Variants in NSD3 observed in about 807,000 individuals in gnomAD.
NSD3 encodes histone-lysine N-methyltransferase NSD3.
A neutral mutation model predicts 160.8 loss-of-function variants in NSD3; 24 were observed. That is an observed-to-expected ratio of 0.15 (90% confidence interval 0.11 to 0.21). The LOEUF is 0.21. NSD3 is among the 10% of genes least tolerant of loss of function. The pLI is 1.00. For synonymous variants in NSD3, 520 were observed against 600.0 expected (o/e 0.87, Z 1.95); for missense variants, 1,157 against 1,735.9 (o/e 0.67, Z 5.93).
chr8:38,318,788 A>G lies in NSD3; in HGVS notation c.1855+107T>C. 1 of 1,062,824 alleles carries G rather than the reference A, an allele frequency of 9.4e-7. No individual in the cohort carries two copies. The highest frequency in any genetic ancestry group is 1.4e-6 in the Non-Finnish European group (1 of 696,828). 65.8% of individuals were successfully genotyped at this position (1,062,824 alleles called of 1,614,324 possible). A position where few individuals can be genotyped will look rare whatever the true frequency, so the allele number is the denominator to read the frequency against. ...GGAATACTGCAATTTCACACTGAAGAGCAACAACGATTTACAGAGACAGAC... is the reference window on the plus strand; with the variant it reads ...GGAATACTGCAATTTCACACTGAAGGGCAACAACGATTTACAGAGACAGAC... On this transcript the variant is annotated intron_variant, in intron 9 of 23. Transcript: ENST00000317025. The surrounding 1 kb of genome is among the most constrained non-coding windows in gnomAD (Gnocchi z 5.3).
chr8:38,376,792 C>T (rs1433665642), intron 1 of NSD3, among the ~76,000 whole-genome samples: 2 of 152,112 alleles, frequency 1.3e-5, no homozygotes, highest in East Asian at 1.9e-4. Context: ...AACCAAGTAA[C>T]GGGTTTGTCA....
chr8:38,323,044 T>G (rs1809827475), intron 7 of NSD3, among the ~76,000 whole-genome samples: 1 of 152,116 alleles, frequency 6.6e-6, no homozygotes, highest in Admixed American at 6.5e-5. Flanking sequence ...TAAATTAAGT[T>G]TTTTTTCTTT....
At chr8:38,296,550 C>T (rs1048395203) in intron 15 of NSD3, among the ~76,000 whole-genome samples, 2 of 152,138 alleles carry the variant, frequency 1.3e-5, no homozygotes, top group African/African-American at 4.8e-5. Flanking sequence ...GATTTACAGG[C>T]TATACAGCAG....
At chr8:38,332,607 G>A (rs1363895548) in intron 4 of NSD3, among the ~76,000 whole-genome samples, 9 of 152,150 alleles carry the variant, frequency 5.9e-5, no homozygotes. Context: ...AAGCCAGTCT[G>A]GGACAAAAGT....
chr8:38,287,489 G>C (rs1808890453), intron 19 of NSD3, among the ~76,000 whole-genome samples: 1 of 152,084 alleles, frequency 6.6e-6, no homozygotes, highest in Non-Finnish European at 1.5e-5. Flanking sequence ...GTTATAAAAG[G>C]CTACCTATCA....
chr8:38,298,530 C>CTG (rs143129228), intron 15 of NSD3, among the ~76,000 whole-genome samples: 7,933 of 145,360 alleles, frequency 0.055, 215 homozygotes, highest in Non-Finnish European at 0.061. Context: ...AATACACCTA[C>CTG]TGTGTGTGTG....
chr8:38,275,508 C>CT lies in NSD3; in HGVS notation c.*132dup, dbSNP rs1808577148. On this transcript the variant is annotated 3_prime_UTR_variant, in exon 24 of 24. Transcript: ENST00000317025. Reference sequence around the variant, plus strand: ...CACCAACTGCTTCTGCCTGCATGAACTGGTTTCCCATTTTTGCTTTAATAA... The same window carrying CT: ...CACCAACTGCTTCTGCCTGCATGAACTTGGTTTCCCATTTTTGCTTTAATAA... 1 of 812,406 alleles carries CT rather than the reference C, an allele frequency of 1.2e-6. No individual in the cohort carries two copies. The highest frequency in any genetic ancestry group is 1.9e-6 in the Non-Finnish European group (1 of 527,124). 50.3% of individuals were successfully genotyped at this position (812,406 alleles called of 1,614,324 possible).
At chr8:38,279,298 C>T (rs888031805) in intron 21 of NSD3, among the ~76,000 whole-genome samples, 60 of 152,242 alleles carry the variant, frequency 3.9e-4, no homozygotes, top group East Asian at 1.9e-3. Flanking sequence ...CTGTCAGACC[C>T]GCTCTTACAT....
chr8:38,318,035 G>A lies in NSD3; in HGVS notation c.1855+860C>T, dbSNP rs778481004. The A allele has an allele frequency of 1.9e-6, 3 of 1,613,906 alleles. No individual in the cohort carries two copies. Among genetic ancestry groups the A allele is most frequent in the Admixed American group, 1.7e-5 (1 of 59,998 alleles). On this transcript the variant is annotated intron_variant, in intron 9 of 23. Transcript: ENST00000317025. The surrounding 1 kb of genome is among the most constrained non-coding windows in gnomAD (Gnocchi z 5.3). ...AGAGCCCTGCACTCCCCGGTCCGCC[G>A]ACCCTGTGGAATGGTGGAAACACAA...
chr8:38,352,089 T>C (rs746246991), intron 1 of NSD3, among the ~76,000 whole-genome samples: 2 of 151,732 alleles, frequency 1.3e-5, no homozygotes, highest in Admixed American at 1.3e-4. Flanking sequence ...TCATTAACAA[T>C]GCCTATTATT....
rs1809709948 is a variant in NSD3, at chr8:38,317,984, G to C, written c.1855+911C>G. 1 of 1,614,070 alleles carries C rather than the reference G, an allele frequency of 6.2e-7. No homozygotes were observed. The highest frequency in any genetic ancestry group is 1.3e-5 in the African/African-American group (1 of 74,928). On this transcript the variant is annotated intron_variant, in intron 9 of 23. Transcript: ENST00000317025. The surrounding 1 kb of genome is among the most constrained non-coding windows in gnomAD (Gnocchi z 5.3). ...GTCCACAGTTTCCTCAATCGCTGCGGAGACGGAGCTGTCACTGAATCTGAC... is the reference window on the plus strand; with the variant it reads ...GTCCACAGTTTCCTCAATCGCTGCGCAGACGGAGCTGTCACTGAATCTGAC...
chr8:38,375,006 A>C (rs1418375201), intron 1 of NSD3, among the ~76,000 whole-genome samples: 2 of 152,108 alleles, frequency 1.3e-5, no homozygotes, highest in Non-Finnish European at 2.9e-5. Flanking sequence ...TCTGTCTCGA[A>C]AAAAAAATTT....
At chr8:38,356,627 A>T (rs982901999) in intron 1 of NSD3, among the ~76,000 whole-genome samples, 1 of 152,212 alleles carries the variant, frequency 6.6e-6, no homozygotes, top group Non-Finnish European at 1.5e-5. Flanking sequence ...TGAGCCTATA[A>T]ATATCAATTA....
intron 6 of NSD3, 67 bp from the exon 7 acceptor site, chr8:38,326,923 TATA>T (rs1809926635): frequency 1.3e-6 from 2 of 1,557,042 alleles, no homozygotes; most frequent in African/African-American, 1.4e-5. Context: ...ATCATGGGCT[TATA>T]AAGATGGCTT....
At chr8:38,342,326 G>T (rs1585904577) in intron 2 of NSD3, among the ~76,000 whole-genome samples, 1 of 152,200 alleles carries the variant, frequency 6.6e-6, no homozygotes, top group South Asian at 2.1e-4. Context: ...AGTAGGGACA[G>T]AGATACCCTC....
Position 38,288,444 on chromosome 8 carries a change from C to T in NSD3, c.3501+43G>A, listed in dbSNP as rs1297742524. On this transcript the variant is annotated intron_variant, in intron 19 of 23. Transcript: ENST00000317025. The surrounding 1 kb of genome is among the most constrained non-coding windows in gnomAD (Gnocchi z 4.5). ...CCCTACTGAAGCATTCCTGAAAAGC[C>T]AGGTTCTGGTCTCTTCCACCCCCCA... 3.1e-6 allele frequency: 5 copies of T among 1,591,996 alleles called. 1 individual carries two copies. In the South Asian group the frequency reaches 5.7e-5, roughly 18 times the overall value.
At chr8:38,300,102 T>C (rs1373666174) in intron 14 of NSD3, among the ~76,000 whole-genome samples, 2 of 152,054 alleles carry the variant, frequency 1.3e-5, no homozygotes, top group Non-Finnish European at 2.9e-5. Context: ...ATCCTAACTT[T>C]CTCTGCCAGA....
At chr8:38,290,784 T>C in intron 16 of NSD3, 107 bp from the exon 17 acceptor site, 1 of 1,032,266 alleles carries the variant, frequency 9.7e-7, no homozygotes, top group Non-Finnish European at 1.4e-6. Flanking sequence ...GCAATTTTCA[T>C]TCAGATTCTA....
intron 1 of NSD3, among the ~76,000 whole-genome samples, chr8:38,361,112 G>A (rs1331789912): frequency 6.6e-6 from 1 of 152,052 alleles, no homozygotes; most frequent in Admixed American, 6.5e-5. Context: ...TGCAACCTCC[G>A]CCTCCCGAGT....
Sources: gnomAD v4.1 joint callset for allele counts (sites outside exome capture counted in the v4.1 genomes callset) on GRCh38, gnomAD v4.1.1 for gene constraint, Gnocchi (gnomAD v3.1) non-coding constraint, MANE v1.5 for transcripts, NCBI Gene and HGNC (gene_info 2026-07-23, HGNC 2026-07-21) for gene names.